Variants in VMA21 observed in about 807,000 individuals in gnomAD.
VMA21 encodes vacuolar ATPase assembly integral membrane protein VMA21.
For synonymous variants in VMA21, 47 were observed against 34.1 expected, an observed-to-expected ratio of 1.38 and a Z score of -1.32; for missense variants, 61 against 80.6, an observed-to-expected ratio of 0.76 and a Z score of 0.93.
chrX:151,404,272 G>A (rs979399389), intron 2 of VMA21, among the ~76,000 whole-genome samples: 1 of 110,777 alleles, frequency 9.0e-6, no homozygotes, highest in African/African-American at 3.3e-5. Context: ...ACGGGGTTTC[G>A]CCATGTTGGC....
Position 151,397,452 on chromosome X carries a change from G to C in VMA21, c.53+91G>C, listed in dbSNP as rs2011202530. ...AGGCCCTAGCTGAATGGGTGGGCGT[G>C]AGGTCTGGACCCCGGGGACCTGGCC... On this transcript the variant is annotated intron_variant, in intron 1 of 2. Coordinates refer to ENST00000330374, the MANE Select transcript of VMA21 (RefSeq NM_001017980.4). 3 of 1,036,699 alleles carry C rather than the reference G, an allele frequency of 2.9e-6. No homozygotes were observed. The Admixed American group carries it at 8.0e-5, about 28-fold the overall frequency. The allele number at this position is 1,036,699 out of a possible 1,213,427, so 85.4% of individuals were successfully genotyped here. A position where few individuals can be genotyped will look rare whatever the true frequency, so the allele number is the denominator to read the frequency against.
intron 1 of VMA21, among the ~76,000 whole-genome samples, chrX:151,399,741 A>G (rs1277240104): frequency 9.5e-6 from 1 of 105,585 alleles, no homozygotes; most frequent in Non-Finnish European, 1.9e-5. Flanking sequence ...GGCCTGCTAA[A>G]AGATGATCCA....
At chrX:151,403,528 C>T in intron 1 of VMA21, 103 bp from the exon 2 acceptor site, 1 of 630,662 alleles carries the variant, frequency 1.6e-6, no homozygotes, top group South Asian at 2.2e-5. Context: ...GATCTTCCTC[C>T]TGCATAGCAT....
intron 2 of VMA21, among the ~76,000 whole-genome samples, chrX:151,404,176 C>T (rs1383078217): frequency 1.8e-5 from 2 of 108,317 alleles, no homozygotes; most frequent in South Asian, 4.1e-4. Context: ...CATGTTCAAG[C>T]GATTCTCCTG....
chrX:151,397,162 AC>A, upstream of VMA21: 1 of 547,459 alleles, frequency 1.8e-6, no homozygotes, highest in Non-Finnish European at 2.6e-6. Context: ...CCCGGCGCGA[AC>A]GGGCACTTCC....
At chrX:151,400,143 A>G (rs1409209998) in intron 1 of VMA21, among the ~76,000 whole-genome samples, 2 of 110,377 alleles carry the variant, frequency 1.8e-5, no homozygotes, top group African/African-American at 3.3e-5. Flanking sequence ...GTTAATCCAT[A>G]TATCTACTGC....
chrX:151,401,652 A>C, intron 1 of VMA21, among the ~76,000 whole-genome samples: 1 of 112,336 alleles, frequency 8.9e-6, no homozygotes, highest in East Asian at 2.8e-4. Flanking sequence ...AACACAGGAT[A>C]TCTTTACATT....
At chrX:151,404,777 A>G (rs2011270711) in intron 2 of VMA21, 139 bp from the exon 3 acceptor site, 1 of 709,127 alleles carries the variant, frequency 1.4e-6, no homozygotes, top group South Asian at 2.5e-5. Context: ...TACTTTATTC[A>G]TTACCACCCA....
At chrX:151,399,403 C>T (rs1460802593) in intron 1 of VMA21, among the ~76,000 whole-genome samples, 1 of 112,052 alleles carries the variant, frequency 8.9e-6, no homozygotes, top group Non-Finnish European at 1.9e-5. Flanking sequence ...AATAGATACT[C>T]AAGAGAGGTC....
chrX:151,407,281 A>C lies in VMA21; in HGVS notation c.*2223A>C, dbSNP rs190080635. The stretch of plus-strand genomic sequence containing the variant: ...CGCCAAATGTTTGAAGGTTAAAATC[A>C]AATGCTAGGGTTGATATTTAGGCTT... On this transcript the variant is annotated 3_prime_UTR_variant, in exon 3 of 3. Transcript: ENST00000330374. 2.6e-4 allele frequency: 30 copies of C among 113,272 alleles called. No homozygotes were observed. The highest frequency in any genetic ancestry group is 2.3e-3 in the Admixed American group (25 of 10,727). 9.3% of individuals were successfully genotyped at this position (113,272 alleles called of 1,213,427 possible). A position where few individuals can be genotyped will look rare whatever the true frequency, so the allele number is the denominator to read the frequency against.
chrX:151,404,846 CTTTG>C (rs1306201197), intron 2 of VMA21, 66 bp from the exon 3 acceptor site: 16 of 1,090,078 alleles, frequency 1.5e-5, no homozygotes, highest in East Asian at 3.0e-5. Context: ...AATTAGGATG[CTTTG>C]TTTTTTTTTT....
rs2011309845 is a variant in VMA21, at chrX:151,407,805, A to AATTTAAAC, written c.*2748_*2755dup. ...TGGTTTGGGGTTGTTAGTGAAAAAA[A>AATTTAAAC]ATTTAAACCTGCCATTAAAAATCCC... On this transcript the variant is annotated 3_prime_UTR_variant, in exon 3 of 3. Transcript: ENST00000330374. The AATTTAAAC allele has an allele frequency of 1.8e-5, 2 of 112,609 alleles. No individual in the cohort carries two copies. The highest frequency in any genetic ancestry group is 1.9e-4 in the Admixed American group (2 of 10,646). The allele number at this position is 112,609 out of a possible 1,213,427, so 9.3% of individuals were successfully genotyped here.
At chrX:151,402,132 C>A (rs1168175012) in intron 1 of VMA21, among the ~76,000 whole-genome samples, 6 of 111,482 alleles carry the variant, frequency 5.4e-5, no homozygotes, top group Non-Finnish European at 1.1e-4. Context: ...TTGTCAAGTG[C>A]TTTTTCTGCA....
intron 1 of VMA21, among the ~76,000 whole-genome samples, chrX:151,398,387 C>G (rs1240138313): frequency 1.1e-5 from 1 of 94,138 alleles, no homozygotes; most frequent in African/African-American, 3.4e-5. Flanking sequence ...TCTGTTGTTC[C>G]TCTCCTAGTG....
At chrX:151,396,944 G>A, upstream of VMA21, 1 of 524,478 alleles carries the variant, frequency 1.9e-6, no homozygotes, top group Non-Finnish European at 3.5e-6. Context: ...CGCCCAGGAG[G>A]ACCATGTTGC....
rs139323488 is a variant in VMA21 at position 151,404,977 on chromosome X, C to A, written c.225C>A (p.Ala75=). 2 of 1,210,640 alleles carry A rather than the reference C, an allele frequency of 1.7e-6. No individual in the cohort carries two copies. The highest frequency in any genetic ancestry group is 4.4e-5 in the Admixed American group (2 of 45,930). Reference sequence around the variant, plus strand: ...ACGCTGCTATTGTTGCAGTGGTCGCCGTCCATGTGGTGCTGGCCCTCTTTG... The same window carrying A: ...ACGCTGCTATTGTTGCAGTGGTCGCAGTCCATGTGGTGCTGGCCCTCTTTG... The part of the protein sequence containing the change: ...YFYAAIVAVV[A]VHVVLALFVY... The change falls in exon 3 of 3, where the codon GCC becomes GCA. Residue 75 remains alanine (A), a synonymous_variant. Coordinates refer to ENST00000330374, the MANE Select transcript of VMA21 (RefSeq NM_001017980.4).
chrX:151,397,105 GCTGCGGCGCGCCGCGCCGCGC>G, upstream of VMA21: 2 of 347,600 alleles, frequency 5.8e-6, no homozygotes, highest in Non-Finnish European at 9.5e-6. Flanking sequence ...GCCCTGCGTC[GCTGCGGCGCGCCGCGCCGCGC>G]CGCGCCTGCG....
chrX:151,401,725 A>G (rs1416614541), intron 1 of VMA21, among the ~76,000 whole-genome samples: 1 of 111,676 alleles, frequency 9.0e-6, no homozygotes, highest in East Asian at 2.8e-4. Context: ...CAAGTCACTC[A>G]TCGCCTTGGT....
chrX:151,403,635 G>A lies in VMA21; in HGVS notation c.58G>A (p.Glu20Lys). ...NALQPPEFRN[E>K]SSLASTLKTL... ...TCTTTGTTTACTTTATTCCAGAAAT[G>A]AAAGCTCATTAGCATCTACACTGAA... Residue 20 changes from glutamate to lysine, a missense_variant, in exon 2 of 3, where the codon GAA becomes AAA. Transcript: ENST00000330374. 1 of 1,201,152 alleles carries A rather than the reference G, an allele frequency of 8.3e-7. No homozygotes were observed. The highest frequency in any genetic ancestry group is 1.1e-6 in the Non-Finnish European group (1 of 886,409).
Sources: gnomAD v4.1 joint callset for allele counts (sites outside exome capture counted in the v4.1 genomes callset) on GRCh38, gnomAD v4.1.1 for gene constraint, MANE v1.5 for transcripts, NCBI Gene and HGNC (gene_info 2026-07-23, HGNC 2026-07-21) for gene names.